The following TRIM42 variants were observed in gnomAD, a reference collection of about 807,000 sequenced individuals.
TRIM42 encodes tripartite motif containing 42, also known as tripartite motif-containing protein 42.
A neutral mutation model predicts 64.9 loss-of-function variants in TRIM42; 59 were observed. The ratio of observed to expected loss-of-function variants is 0.91; its 90% CI spans 0.74 to 1.13. The LOEUF (loss-of-function observed/expected upper bound fraction) is 1.13. Among genes scored for constraint, TRIM42 ranks in the 50% most tolerant of loss-of-function variants. The pLI is 0.00. For missense variants in TRIM42, 878 were observed against 929.5 expected (o/e 0.94, Z 0.72); for synonymous variants, 354 against 346.3 (o/e 1.02, Z -0.25).
chr3:140,694,223 C>A (rs1286590600), intron 4 of TRIM42, among the ~76,000 whole-genome samples: 1 of 152,180 alleles, frequency 6.6e-6, no homozygotes, highest in African/African-American at 2.4e-5. Context: ...GTCAAGATTA[C>A]GCATTGAAAA....
chr3:140,694,424 T>C (rs1424060495), intron 4 of TRIM42, among the ~76,000 whole-genome samples: 2 of 152,186 alleles, frequency 1.3e-5, no homozygotes, highest in African/African-American at 4.8e-5. Context: ...GTCATGTACG[T>C]GTTGACCTCA....
Position 140,690,980 on chromosome 3 carries a change from T to C in TRIM42, c.1873T>C (p.Cys625Arg). Reference sequence around the variant, plus strand: ...ATTTCTTCCATAGGTTTACTGGACATGTCCAGCAGAAGACGTGGACTCTTT... The same window carrying C: ...ATTTCTTCCATAGGTTTACTGGACACGTCCAGCAGAAGACGTGGACTCTTT... ...YPRAAKVYWT[C>R]PAEDVDSFEM... Residue 625 changes from cysteine to arginine, a missense_variant, in exon 4 of 5, where the codon TGT becomes CGT. Transcript: ENST00000286349. 1 of 1,613,500 alleles carries C rather than the reference T, an allele frequency of 6.2e-7. No homozygotes were observed. Among genetic ancestry groups the C allele is most frequent in the Non-Finnish European group, 8.5e-7 (1 of 1,179,456 alleles).
chr3:140,687,996 C>T lies in TRIM42; in HGVS notation c.1314C>T (p.Gly438=), dbSNP rs994145671. 1 of 1,614,158 alleles carries T rather than the reference C, an allele frequency of 6.2e-7. No individual in the cohort carries two copies. The highest frequency in any genetic ancestry group is 8.5e-7 in the Non-Finnish European group (1 of 1,180,018). Residue 438 remains glycine, a synonymous_variant, in exon 3 of 5, where the codon GGC becomes GGT. Transcript: ENST00000286349. ...AYSKEALKET[G]QVAFLQSAKI... is the part of the protein sequence containing the mutation. The stretch of plus-strand genomic sequence containing the variant: ...CCAAGGAAGCCCTGAAGGAGACTGG[C>T]CAGGTGGCATTCCTGCAGTCAGCCA...
In TRIM42 at chr3:140,678,204, A is replaced by G. The variant is rs751916601; in HGVS notation, c.-26A>G. ...TAGAGGAGGCATCAAGAGTCCTGGG[A>G]GGCCGGTGGTAATCATGTAGGCACC... On this transcript the variant is annotated 5_prime_UTR_variant, in exon 1 of 5. Transcript: ENST00000286349. The G allele has an allele frequency of 1.0e-5, 16 of 1,594,356 alleles. No homozygotes were observed. Among genetic ancestry groups the G allele is most frequent in the Non-Finnish European group, 1.4e-5 (16 of 1,165,200 alleles).
chr3:140,691,061 C>G lies in TRIM42; in HGVS notation c.1954C>G (p.Leu652Val), dbSNP rs755473700. ...TSPPNNVQME[L>V]CGQIRDIMQQ... Reference sequence around the variant, plus strand: ...TCCTCCTAACAACGTACAAATGGAGCTCTGTGGACAAATTCGGGACATAAT... The same window carrying G: ...TCCTCCTAACAACGTACAAATGGAGGTCTGTGGACAAATTCGGGACATAAT... The change falls in exon 4 of 5, where the codon CTC (leucine) becomes GTC (valine). Residue 652 changes from leucine to valine, a missense_variant. Coordinates refer to ENST00000286349, the MANE Select transcript of TRIM42 (RefSeq NM_152616.5). The G allele has an allele frequency of 6.2e-7, 1 of 1,614,102 alleles. No individual in the cohort carries two copies. Among genetic ancestry groups the G allele is most frequent in the Non-Finnish European group, 8.5e-7 (1 of 1,179,984 alleles).
Position 140,678,166 on chromosome 3 carries a change from A to G in TRIM42, c.-64A>G. 1 of 1,408,834 alleles carries G rather than the reference A, an allele frequency of 7.1e-7. No homozygotes were observed. Among genetic ancestry groups the G allele is most frequent in the South Asian group, 1.3e-5 (1 of 79,268 alleles). 87.3% of individuals were successfully genotyped at this position (1,408,834 alleles called of 1,614,324 possible). On this transcript the variant is annotated 5_prime_UTR_variant, in exon 1 of 5. The change creates a new upstream start codon in the 5' untranslated region. Transcript: ENST00000286349. ...AGGACTCCTCCACTGGAGAACTGAT[A>G]GCAGTATTCTGGTAGAGGAGGCATC...
Sources: allele counts gnomAD v4.1 joint callset (sites outside exome capture counted in the v4.1 genomes callset), GRCh38; gene constraint gnomAD v4.1.1; transcripts MANE v1.5; gene names NCBI Gene and HGNC (gene_info 2026-07-23, HGNC 2026-07-21).